COL23A1: variants seen among roughly 807,000 people sequenced by gnomAD.
COL23A1 encodes the protein collagen type XXIII alpha 1 chain.
In COL23A1, 97 loss-of-function variants were observed where a neutral mutation model predicts 99.3. That is an observed-to-expected ratio of 0.98 (90% CI 0.83 to 1.16). The LOEUF (loss-of-function observed/expected upper bound fraction) is 1.16. Ranked by LOEUF, COL23A1 falls within the 50% of genes most tolerant of loss-of-function variation. The pLI, the probability that COL23A1 is intolerant of heterozygous loss-of-function variation, is 0.00. For synonymous variants in COL23A1, 320 were observed against 308.2 expected (o/e 1.04, Z -0.40); for missense variants, 762 against 757.4 (o/e 1.01, Z -0.07).
At chr5:178,320,587 T>C (rs914987005) in intron 2 of COL23A1, among the ~76,000 whole-genome samples, 31 of 152,164 alleles carry the variant, frequency 2.0e-4, no homozygotes, top group Non-Finnish European at 4.0e-4. Context: ...GGGTGAAAGA[T>C]TGGGGGGCTT....
Position 178,254,945 on chromosome 5 carries a change from C to CT in COL23A1, c.960+3dup, listed in dbSNP as rs35519588. On this transcript the variant is annotated splice_donor_region_variant and intron_variant, in intron 16 of 28. Transcript: ENST00000390654. ...GCACATCCTGGTCCCACCAGGAACA[C>CT]TACCTTGAGGGCATCCAAGATCCTG... 0.12 allele frequency: 187,171 copies of CT among 1,611,896 alleles called. 11,831 individuals carry two copies. Among genetic ancestry groups the CT allele is most frequent in the Admixed American group, 0.22 (12,938 of 59,954 alleles).
intron 2 of COL23A1, among the ~76,000 whole-genome samples, chr5:178,550,788 C>G (rs1761958589): frequency 6.6e-6 from 1 of 152,140 alleles, no homozygotes; most frequent in African/African-American, 2.4e-5. Flanking sequence ...AAGGCTGCAC[C>G]TGTCACTCAA....
chr5:178,571,310 C>T lies in COL23A1; in HGVS notation c.295-10562G>A, dbSNP rs186707352. Among the ~76,000 whole-genome samples the T allele has an allele frequency of 3.3e-5, 5 of 152,140 alleles. No individual in the cohort carries two copies. In the East Asian group the frequency reaches 9.7e-4, roughly 29 times the overall value. On this transcript the variant is annotated intron_variant, in intron 1 of 28. Coordinates refer to ENST00000390654, the MANE Select transcript of COL23A1 (RefSeq NM_173465.4). ...CCGGGAGACAGAGGTTGCAGTGAGC[C>T]AAGATCGCACCACTGCACTCCAGCC...
intron 5 of COL23A1, among the ~76,000 whole-genome samples, chr5:178,285,747 C>T (rs1347228821): frequency 6.6e-6 from 1 of 152,248 alleles, no homozygotes; most frequent in Non-Finnish European, 1.5e-5. Context: ...GGCCCAGGCC[C>T]TTCAGCACGA....
intron 2 of COL23A1, among the ~76,000 whole-genome samples, chr5:178,360,439 G>A (rs896784698): frequency 2.0e-5 from 3 of 152,230 alleles, no homozygotes; most frequent in Admixed American, 6.5e-5. Context: ...CATGGGAACC[G>A]CATGCTCCTG....
intron 1 of COL23A1, among the ~76,000 whole-genome samples, chr5:178,568,796 T>C (rs192604941): frequency 1.4e-4 from 22 of 152,360 alleles, no homozygotes; most frequent in Non-Finnish European, 2.4e-4. Flanking sequence ...TAATATTGCA[T>C]GGTGTCTACA....
intron 2 of COL23A1, among the ~76,000 whole-genome samples, chr5:178,331,196 T>C (rs1759998914): frequency 6.6e-6 from 1 of 152,248 alleles, no homozygotes; most frequent in South Asian, 2.1e-4. Context: ...TCTGGGGTAC[T>C]GGCTTGGGCG....
chr5:178,251,573 T>G (rs910619646), intron 17 of COL23A1, among the ~76,000 whole-genome samples: 4 of 152,142 alleles, frequency 2.6e-5, no homozygotes, highest in African/African-American at 9.7e-5. Flanking sequence ...ATAGGAAAAT[T>G]TATAGCTTTA....
At chr5:178,547,646 A>T (rs1581611700) in intron 2 of COL23A1, among the ~76,000 whole-genome samples, 1 of 5,252 alleles carries the variant, frequency 1.9e-4, no homozygotes, top group Non-Finnish European at 3.4e-4. Context: ...CCCCACACAC[A>T]CACACCCCCC....
intron 3 of COL23A1, among the ~76,000 whole-genome samples, chr5:178,305,419 G>A (rs537119355): frequency 6.6e-6 from 1 of 152,300 alleles, no homozygotes; most frequent in East Asian, 1.9e-4. Flanking sequence ...CAGTTGGCCC[G>A]GGGTCCTCTT....
chr5:178,417,603 C>T lies in COL23A1; in HGVS notation c.362-110684G>A, dbSNP rs890568840. On this transcript the variant is annotated intron_variant, in intron 2 of 28. Coordinates refer to ENST00000390654, the MANE Select transcript of COL23A1 (RefSeq NM_173465.4). Reference sequence around the variant, plus strand: ...AGAAAACCACAGGATCCATATCAGACGGAAATCCAACCCTCAACGATAAAG... The same window carrying T: ...AGAAAACCACAGGATCCATATCAGATGGAAATCCAACCCTCAACGATAAAG... 4.6e-5 allele frequency among the ~76,000 whole-genome samples: 7 copies of T among 152,138 alleles called. No individual in the cohort carries two copies. In the East Asian group the frequency reaches 5.8e-4, roughly 13 times the overall value.
intron 2 of COL23A1, among the ~76,000 whole-genome samples, chr5:178,491,820 C>T (rs190346342): frequency 7.5e-4 from 114 of 152,208 alleles, no homozygotes; most frequent in African/African-American, 2.4e-3. Context: ...TAGCAACCTC[C>T]GCCTCCCGGG....
chr5:178,303,364 C>G (rs1217074256), intron 3 of COL23A1, among the ~76,000 whole-genome samples: 2 of 152,208 alleles, frequency 1.3e-5, no homozygotes, highest in Non-Finnish European at 2.9e-5. Context: ...ACAAATCTTA[C>G]TGTTCTTGTT....
In COL23A1 at chr5:178,424,312, T is replaced by C. The variant is rs187531611; in HGVS notation, c.362-117393A>G. On this transcript the variant is annotated intron_variant, in intron 2 of 28. Transcript: ENST00000390654. ...TGCTTGTTAAAACATCTTCGCCGCA[T>C]TGGGCATGGAATGTCGTGTGAATGT... 1.2e-3 allele frequency among the ~76,000 whole-genome samples: 176 copies of C among 152,354 alleles called. 1 individual carries two copies. Among genetic ancestry groups the C allele is most frequent in the African/African-American group, 4.0e-3 (167 of 41,586 alleles).
At position 178,384,948 on chromosome 5, in the gene COL23A1, C is replaced by A. The variant is rs1313413951; in HGVS notation, c.362-78029G>T. ...CCGCTCCTTCCCTGTGCCCAGCCTC[C>A]CTGCCTGCCCCATCCAAGCCACCAC... is the stretch of plus-strand genomic sequence containing the variant. On this transcript the variant is annotated intron_variant, in intron 2 of 28. Coordinates refer to ENST00000390654, the MANE Select transcript of COL23A1 (RefSeq NM_173465.4). This position sits in a 1 kb window ranked among gnomAD's most constrained non-coding sequence, Gnocchi z 5.5. Among the ~76,000 whole-genome samples the A allele has an allele frequency of 6.6e-6, 1 of 151,766 alleles. No individual in the cohort carries two copies. The highest frequency in any genetic ancestry group is 1.5e-5 in the Non-Finnish European group (1 of 67,852).
Position 178,387,417 on chromosome 5 carries a change from A to G in COL23A1, c.362-80498T>C, listed in dbSNP as rs1232652810. Among the ~76,000 whole-genome samples, 1 of 152,144 alleles carries G rather than the reference A, an allele frequency of 6.6e-6. No homozygotes were observed. The highest frequency in any genetic ancestry group is 1.5e-5 in the Non-Finnish European group (1 of 68,020). On this transcript the variant is annotated intron_variant, in intron 2 of 28. Coordinates refer to ENST00000390654, the MANE Select transcript of COL23A1 (RefSeq NM_173465.4). This position sits in a 1 kb window ranked among gnomAD's most constrained non-coding sequence, Gnocchi z 4.7. The stretch of plus-strand genomic sequence containing the variant: ...CGTTTGCCCAGGTGGGTCCCTCCAC[A>G]GGAGCGCTCCTCCCGAAACCCACCC...
At chr5:178,447,999 G>C (rs573647168) in intron 2 of COL23A1, among the ~76,000 whole-genome samples, 59 of 152,294 alleles carry the variant, frequency 3.9e-4, no homozygotes, top group African/African-American at 1.4e-3. Flanking sequence ...CTGAGTGTTG[G>C]TGCTCCCCCA....
At chr5:178,318,807 CAGG>C (rs1759120896) in intron 2 of COL23A1, among the ~76,000 whole-genome samples, 1 of 151,122 alleles carries the variant, frequency 6.6e-6, no homozygotes, top group Admixed American at 6.6e-5. Flanking sequence ...GAGGCTGAGG[CAGG>C]AGAATTGCCT....
At chr5:178,325,123 T>A (rs1759572280) in intron 2 of COL23A1, among the ~76,000 whole-genome samples, 1 of 152,174 alleles carries the variant, frequency 6.6e-6, no homozygotes, top group South Asian at 2.1e-4. Flanking sequence ...GACGCTGAAC[T>A]TCTGTCCCCT....
Sources: allele counts gnomAD v4.1 joint callset (sites outside exome capture counted in the v4.1 genomes callset), GRCh38; gene constraint gnomAD v4.1.1; non-coding constraint Gnocchi (gnomAD v3.1); transcripts MANE v1.5; gene names NCBI Gene and HGNC (gene_info 2026-07-23, HGNC 2026-07-21).